KCNH8: variants seen among roughly 807,000 people sequenced by gnomAD.
The protein encoded by KCNH8 is voltage-gated delayed rectifier potassium channel KCNH8.
Under a neutral mutation model 103.6 loss-of-function variants are expected in KCNH8, and 70 were observed. The observed-to-expected ratio is 0.68, with a 90% CI of 0.56 to 0.82. KCNH8 has a LOEUF of 0.82. KCNH8 is among the 40% of genes least tolerant of loss of function. KCNH8 has a pLI of 0.00. For missense variants in KCNH8, 1,217 were observed against 1,329.9 expected (o/e 0.92, Z 1.32); for synonymous variants, 498 against 489.4 (o/e 1.02, Z -0.23).
intron 3 of KCNH8, among the ~76,000 whole-genome samples, chr3:19,291,794 A>G (rs1559462462): frequency 1.3e-5 from 2 of 152,148 alleles, no homozygotes; most frequent in African/African-American, 2.4e-5. Flanking sequence ...ATTCCTGGAT[A>G]TCCTTGTTAA....
rs186250069 is a variant in KCNH8, at chr3:19,452,649, T to G, written c.1825+1245T>G. On this transcript the variant is annotated intron_variant, in intron 10 of 15. Coordinates refer to ENST00000328405, the MANE Select transcript of KCNH8 (RefSeq NM_144633.3). Reference sequence around the variant, plus strand: ...AAAACACAATATTTAGAGTTTGTGCTAATAAAAGGGGGTGAATTCAGTACT... The same window carrying G: ...AAAACACAATATTTAGAGTTTGTGCGAATAAAAGGGGGTGAATTCAGTACT... 7.2e-5 allele frequency among the ~76,000 whole-genome samples: 11 copies of G among 152,340 alleles called. No homozygotes were observed. The East Asian group carries it at 1.9e-3, about 27-fold the overall frequency.
intron 5 of KCNH8, among the ~76,000 whole-genome samples, chr3:19,370,551 A>G (rs1244834461): frequency 1.3e-5 from 2 of 152,088 alleles, no homozygotes; most frequent in African/African-American, 2.4e-5. Flanking sequence ...TTTATCATAT[A>G]TTATTACTAA....
intron 3 of KCNH8, among the ~76,000 whole-genome samples, chr3:19,296,895 TCTA>T (rs2065002823): frequency 1.3e-5 from 2 of 152,020 alleles, no homozygotes; most frequent in South Asian, 2.1e-4. Flanking sequence ...AGGAACAACT[TCTA>T]CTAACTACAA....
chr3:19,164,543 AAG>A (rs2063263831), intron 1 of KCNH8, among the ~76,000 whole-genome samples: 1 of 152,222 alleles, frequency 6.6e-6, no homozygotes, highest in African/African-American at 2.4e-5. Context: ...CACATTTTGT[AAG>A]TAGTGAAGCT....
intron 12 of KCNH8, 65 bp from the exon 13 acceptor site, chr3:19,512,905 A>G (rs538725220): frequency 7.1e-7 from 1 of 1,402,178 alleles, no homozygotes; most frequent in Non-Finnish European, 9.8e-7. Flanking sequence ...GACCTCCAGC[A>G]TTAATGATAT....
intron 3 of KCNH8, among the ~76,000 whole-genome samples, chr3:19,327,011 T>C (rs900698715): frequency 6.6e-6 from 1 of 152,068 alleles, no homozygotes; most frequent in East Asian, 1.9e-4. Context: ...GGTCATTCCA[T>C]TGTCTAAGAT....
rs146247888 is a variant in KCNH8 at position 19,453,738 on chromosome 3, G to C, written c.1825+2334G>C. 2.3e-3 allele frequency among the ~76,000 whole-genome samples: 357 copies of C among 152,236 alleles called. 1 individual carries two copies. Among genetic ancestry groups the C allele is most frequent in the Non-Finnish European group, 4.2e-3 (289 of 68,008 alleles). On this transcript the variant is annotated intron_variant, in intron 10 of 15. Transcript: ENST00000328405. ...CTCCCATGTGCGGACACAACGGAAA[G>C]GTGCCATTTGTGAATCACAAAATGA...
chr3:19,513,305 A>C lies in KCNH8; in HGVS notation c.2415A>C (p.Gly805=), dbSNP rs2068818976. 1.3e-6 allele frequency: 2 copies of C among 1,599,706 alleles called. No homozygotes were observed. Among genetic ancestry groups the C allele is most frequent in the South Asian group, 2.2e-5 (2 of 88,996 alleles). ...KLQLSTLNNA[G]PPDLSPRIVD... is the part of the protein sequence containing the mutation. Reference sequence around the variant, plus strand: ...AACTTTCAACTTTGAATAATGCTGGACCCCCAGACCTCAGTCCAAGGTAAG... The same window carrying C: ...AACTTTCAACTTTGAATAATGCTGGCCCCCCAGACCTCAGTCCAAGGTAAG... The change falls in exon 13 of 16, where the codon GGA becomes GGC. Residue 805 remains glycine, a synonymous_variant. Coordinates refer to ENST00000328405, the MANE Select transcript of KCNH8 (RefSeq NM_144633.3).
intron 1 of KCNH8, among the ~76,000 whole-genome samples, chr3:19,207,626 C>T (rs1376020583): frequency 6.6e-6 from 1 of 151,950 alleles, no homozygotes; most frequent in Non-Finnish European, 1.5e-5. Context: ...TCTTTTGAGA[C>T]TCTCACGAAT....
intron 1 of KCNH8, among the ~76,000 whole-genome samples, chr3:19,245,327 T>C (rs2064190873): frequency 6.6e-6 from 1 of 152,212 alleles, no homozygotes; most frequent in African/African-American, 2.4e-5. Context: ...GTGTCTGTTT[T>C]TGTACCAGTA....
intron 11 of KCNH8, among the ~76,000 whole-genome samples, chr3:19,475,317 A>T (rs2067949989): frequency 6.6e-6 from 1 of 152,206 alleles, no homozygotes; most frequent in African/African-American, 2.4e-5. Context: ...AGTTCTGTCT[A>T]TTCAGAAGTT....
chr3:19,453,959 TTAGAG>T (rs1017726710), intron 10 of KCNH8, among the ~76,000 whole-genome samples: 4 of 152,104 alleles, frequency 2.6e-5, no homozygotes, highest in African/African-American at 7.2e-5. Flanking sequence ...TGTCTACCAC[TTAGAG>T]TAAAGGTAGG....
At chr3:19,474,833 C>T (rs1363152971) in intron 11 of KCNH8, among the ~76,000 whole-genome samples, 4 of 152,126 alleles carry the variant, frequency 2.6e-5, no homozygotes, top group Non-Finnish European at 5.9e-5. Flanking sequence ...GCTAATGAAG[C>T]ATATTTATAT....
chr3:19,217,337 T>C (rs1359481841), intron 1 of KCNH8, among the ~76,000 whole-genome samples: 1 of 152,194 alleles, frequency 6.6e-6, no homozygotes, highest in Non-Finnish European at 1.5e-5. Context: ...CACACAGGCC[T>C]AGTTATGAGT....
chr3:19,183,151 C>T (rs533803279), intron 1 of KCNH8, among the ~76,000 whole-genome samples: 1 of 152,196 alleles, frequency 6.6e-6, no homozygotes, highest in Non-Finnish European at 1.5e-5. Flanking sequence ...TATTACCTTT[C>T]CTATTTAATG....
rs2064277555 is a variant in KCNH8, at chr3:19,251,514, T to C, written c.77-2140T>C. The stretch of plus-strand genomic sequence containing the variant: ...TTGGAGCAAAGCTGAGTAGTGTGGA[T>C]TTTGTTCTGCCAGCCGATGGTGGAC... On this transcript the variant is annotated intron_variant, in intron 1 of 15. Transcript: ENST00000328405. 2.0e-5 allele frequency among the ~76,000 whole-genome samples: 3 copies of C among 151,978 alleles called. No homozygotes were observed. The South Asian group carries it at 6.2e-4, about 32-fold the overall frequency.
chr3:19,355,383 G>T (rs2065866289), intron 5 of KCNH8, among the ~76,000 whole-genome samples: 1 of 152,170 alleles, frequency 6.6e-6, no homozygotes, highest in Non-Finnish European at 1.5e-5. Flanking sequence ...CCATTACTGG[G>T]TATATAACCA....
At chr3:19,301,026 T>A (rs2065058335) in intron 3 of KCNH8, among the ~76,000 whole-genome samples, 1 of 151,712 alleles carries the variant, frequency 6.6e-6, no homozygotes, top group African/African-American at 2.4e-5. Flanking sequence ...TATTTTCATA[T>A]ATTTATTAAT....
chr3:19,470,432 G>A (rs1306825353), intron 11 of KCNH8, among the ~76,000 whole-genome samples: 4 of 152,044 alleles, frequency 2.6e-5, no homozygotes, highest in Admixed American at 6.6e-5. Flanking sequence ...CATCCAAATG[G>A]CAGAAATATG....
Sources: allele counts gnomAD v4.1 joint callset (sites outside exome capture counted in the v4.1 genomes callset), GRCh38; gene constraint gnomAD v4.1.1; transcripts MANE v1.5; gene names NCBI Gene and HGNC (gene_info 2026-07-23, HGNC 2026-07-21).